Variants in KCNB2 observed in about 807,000 individuals in gnomAD.
The protein encoded by KCNB2 is potassium voltage-gated channel subfamily B member 2, also known as delayed rectifier potassium channel protein.
In KCNB2, 15 loss-of-function variants were observed where a neutral mutation model predicts 61.5. That is an observed-to-expected ratio of 0.24 (90% confidence interval 0.16 to 0.38). The LOEUF (loss-of-function observed/expected upper bound fraction) is 0.38, where lower values mean the gene tolerates loss of function less well. Ranked by LOEUF, KCNB2 falls within the 10% of genes least tolerant of loss-of-function variation. The pLI, the probability that KCNB2 is intolerant of heterozygous loss-of-function variation, is 1.00. For synonymous variants in KCNB2, 457 were observed against 446.0 expected (o/e 1.02, Z -0.31); for missense variants, 828 against 1,125.2 (o/e 0.74, Z 3.78).
intron 2 of KCNB2, among the ~76,000 whole-genome samples, chr8:72,767,577 G>A (rs1309085493): frequency 6.6e-6 from 1 of 152,078 alleles, no homozygotes; most frequent in African/African-American, 2.4e-5. Context: ...TTTTATTGTT[G>A]AATAACGTTT....
chr8:72,743,481 G>A (rs1021005846), intron 2 of KCNB2, among the ~76,000 whole-genome samples: 9 of 152,176 alleles, frequency 5.9e-5, no homozygotes, highest in Admixed American at 4.6e-4. Flanking sequence ...CCCTTTAAAA[G>A]CACATTCTTT....
intron 2 of KCNB2, among the ~76,000 whole-genome samples, chr8:72,721,027 G>A (rs1239429837): frequency 2.6e-5 from 4 of 152,224 alleles, no homozygotes; most frequent in African/African-American, 9.6e-5. Context: ...GAGAGATGAA[G>A]TTTCATTTAA....
At chr8:72,642,342 T>G (rs1386487501) in intron 2 of KCNB2, among the ~76,000 whole-genome samples, 1 of 152,184 alleles carries the variant, frequency 6.6e-6, no homozygotes, top group Non-Finnish European at 1.5e-5. Flanking sequence ...TGTTTTTACT[T>G]TTTAAAAAGA....
At chr8:72,821,814 G>C (rs1452009317) in intron 2 of KCNB2, among the ~76,000 whole-genome samples, 4 of 152,048 alleles carry the variant, frequency 2.6e-5, no homozygotes, top group African/African-American at 9.7e-5. Context: ...TAACAAAGGT[G>C]AAGGGAAGGA....
At chr8:72,795,454 T>C (rs1366240474) in intron 2 of KCNB2, among the ~76,000 whole-genome samples, 3 of 152,212 alleles carry the variant, frequency 2.0e-5, no homozygotes, top group Non-Finnish European at 4.4e-5. Context: ...AGTTGTATAA[T>C]GTGAATGGAA....
chr8:72,658,780 C>G (rs1362497352), intron 2 of KCNB2, among the ~76,000 whole-genome samples: 1 of 152,200 alleles, frequency 6.6e-6, no homozygotes, highest in Admixed American at 6.5e-5. Context: ...GATGCTAAAT[C>G]CTCTCTGCCT....
At chr8:72,903,396 C>G (rs1191322022) in intron 2 of KCNB2, among the ~76,000 whole-genome samples, 3 of 152,110 alleles carry the variant, frequency 2.0e-5, no homozygotes, top group Non-Finnish European at 4.4e-5. Flanking sequence ...TGCTCCAACT[C>G]TTGTCTGTCG....
At chr8:72,808,639 T>C (rs1461469781) in intron 2 of KCNB2, among the ~76,000 whole-genome samples, 3 of 152,202 alleles carry the variant, frequency 2.0e-5, no homozygotes, top group Non-Finnish European at 2.9e-5. Context: ...TTTTAGTGTC[T>C]TTGCGGACAT....
At chr8:72,594,401 G>A (rs547680951) in intron 2 of KCNB2, among the ~76,000 whole-genome samples, 3 of 152,126 alleles carry the variant, frequency 2.0e-5, no homozygotes, top group Non-Finnish European at 4.4e-5. Context: ...TATATAGTCA[G>A]GTAGAAGAAT....
At chr8:72,663,542 T>A (rs1000485073) in intron 2 of KCNB2, among the ~76,000 whole-genome samples, 2 of 152,208 alleles carry the variant, frequency 1.3e-5, no homozygotes, top group African/African-American at 4.8e-5. Flanking sequence ...ACTCCCACCC[T>A]ACTTAAAGCA....
chr8:72,610,066 A>G (rs561617987), intron 2 of KCNB2, among the ~76,000 whole-genome samples: 9 of 152,190 alleles, frequency 5.9e-5, no homozygotes, highest in Non-Finnish European at 1.5e-5. Flanking sequence ...TTTCAAAAAA[A>G]TTTGGTGACT....
chr8:72,899,772 C>T lies in KCNB2; in HGVS notation c.580-36163C>T, dbSNP rs184286805. On this transcript the variant is annotated intron_variant, in intron 2 of 2. Transcript: ENST00000523207. Reference sequence around the variant, plus strand: ...AAACATCCCATCCTCATAGATTGGGCGCCACACTGCCCAAAGCAGTTTATA... The same window carrying T: ...AAACATCCCATCCTCATAGATTGGGTGCCACACTGCCCAAAGCAGTTTATA... Among the ~76,000 whole-genome samples the T allele has an allele frequency of 8.5e-4, 130 of 152,146 alleles. 4 individuals carry two copies. In the South Asian group the frequency reaches 0.024, roughly 28 times the overall value.
At chr8:72,688,369 C>T (rs1010295631) in intron 2 of KCNB2, among the ~76,000 whole-genome samples, 38 of 152,196 alleles carry the variant, frequency 2.5e-4, no homozygotes, top group African/African-American at 8.9e-4. Context: ...CTGTTTCATC[C>T]CTCCCTGTGG....
chr8:72,594,761 A>G (rs1807160166), intron 2 of KCNB2, among the ~76,000 whole-genome samples: 1 of 152,208 alleles, frequency 6.6e-6, no homozygotes, highest in Non-Finnish European at 1.5e-5. Flanking sequence ...GTTACTTATA[A>G]AAGAGTTTCC....
chr8:72,893,552 A>C (rs1440146274), intron 2 of KCNB2, among the ~76,000 whole-genome samples: 1 of 152,190 alleles, frequency 6.6e-6, no homozygotes, highest in Non-Finnish European at 1.5e-5. Context: ...TATGTGCATC[A>C]CCATATTCAA....
At chr8:72,669,347 T>G (rs1004491728) in intron 2 of KCNB2, among the ~76,000 whole-genome samples, 1 of 152,234 alleles carries the variant, frequency 6.6e-6, no homozygotes, top group Admixed American at 6.5e-5. Flanking sequence ...AGTAAGACTT[T>G]AAAGTAAGTA....
At chr8:72,616,383 A>G (rs1467100687) in intron 2 of KCNB2, among the ~76,000 whole-genome samples, 1 of 152,230 alleles carries the variant, frequency 6.6e-6, no homozygotes. Flanking sequence ...CATGAGTGTT[A>G]AGAGTTAATC....
chr8:72,551,028 G>A (rs1271150735), intron 1 of KCNB2, among the ~76,000 whole-genome samples: 1 of 152,090 alleles, frequency 6.6e-6, no homozygotes, highest in Non-Finnish European at 1.5e-5. Context: ...ACACAGTTAA[G>A]ACATCTCCAT....
intron 2 of KCNB2, among the ~76,000 whole-genome samples, chr8:72,591,424 T>A (rs955099697): frequency 1.3e-5 from 2 of 152,144 alleles, no homozygotes; most frequent in African/African-American, 4.8e-5. Context: ...TGGAAACTGA[T>A]GCATGCATAA....
Sources: gnomAD v4.1 joint callset for allele counts (sites outside exome capture counted in the v4.1 genomes callset) on GRCh38, gnomAD v4.1.1 for gene constraint, MANE v1.5 for transcripts, NCBI Gene and HGNC (gene_info 2026-07-23, HGNC 2026-07-21) for gene names.